The following AP2A1 variants were observed in gnomAD, a reference collection of about 807,000 sequenced individuals.
The protein encoded by AP2A1 is AP-2 complex subunit alpha-1.
A neutral mutation model predicts 107.3 loss-of-function variants in AP2A1; 21 were observed. That is an observed-to-expected ratio of 0.20 (90% CI 0.14 to 0.28). The LOEUF (loss-of-function observed/expected upper bound fraction) is 0.28, where lower values mean the gene tolerates loss of function less well. Ranked by LOEUF, AP2A1 falls within the 10% of genes least tolerant of loss-of-function variation. The probability of loss-of-function intolerance (pLI) is 1.00; values close to 1 mark genes in which losing one functional copy is unlikely to be tolerated. For synonymous variants in AP2A1, 602 were observed against 564.8 expected (o/e 1.07, Z -0.93); for missense variants, 873 against 1,307.7 (o/e 0.67, Z 5.13).
chr19:49,793,439 C>G (rs1174575264), intron 6 of AP2A1, among the ~76,000 whole-genome samples: 2 of 152,200 alleles, frequency 1.3e-5, no homozygotes, highest in African/African-American at 4.8e-5. Flanking sequence ...ACTTCTCTCT[C>G]TGTCTCCCAC....
intron 4 of AP2A1, among the ~76,000 whole-genome samples, chr19:49,783,378 C>A (rs889990361): frequency 2.6e-5 from 4 of 152,008 alleles, no homozygotes; most frequent in Admixed American, 2.6e-4. Flanking sequence ...ATAGTCCCAG[C>A]TACTCGGGAA....
At position 49,803,395 on chromosome 19, in the gene AP2A1, C is replaced by G; in HGVS notation, c.2344+19C>G. 4.4e-6 allele frequency: 7 copies of G among 1,605,806 alleles called. No individual in the cohort carries two copies. The South Asian group carries it at 7.7e-5, about 18-fold the overall frequency. On this transcript the variant is annotated intron_variant, in intron 18 of 22. Transcript: ENST00000354293. ...CAGACTCATATCCTCTCAGGCCCGG[C>G]CCAGCCTCCTGCCTCTCCACGTCGG...
chr19:49,802,384 G>GTTTCTCAGCCTGCTCTTCCT (rs1184887456), intron 15 of AP2A1: 1 of 940,348 alleles, frequency 1.1e-6, no homozygotes, highest in African/African-American at 1.6e-5. Context: ...TCCTGTCACC[G>GTTTCTCAGCCTGCTCTTCCT]TTTCTCAGCC....
rs375646196 is a variant in AP2A1, at chr19:49,798,809, G to T, written c.822G>T (p.Ala274=). The change falls in exon 8 of 23, where the codon GCG becomes GCT. Residue 274 remains alanine (A), a synonymous_variant. Coordinates refer to ENST00000354293, the MANE Select transcript of AP2A1 (RefSeq NM_130787.3). The part of the protein sequence containing the change: ...LLQCYPPPED[A]AVKGRLVECL... The stretch of plus-strand genomic sequence containing the variant: ...TCCCCTTCGTTTCCCCAGAGGATGC[G>T]GCTGTGAAGGGGCGGCTGGTGGAAT... 3 of 1,604,484 alleles carry T rather than the reference G, an allele frequency of 1.9e-6. No individual in the cohort carries two copies. Among genetic ancestry groups the T allele is most frequent in the African/African-American group, 1.3e-5 (1 of 74,762 alleles).
Position 49,795,751 on chromosome 19 carries a change from G to C in AP2A1, c.814+13G>C. On this transcript the variant is annotated intron_variant, in intron 7 of 22. Coordinates refer to ENST00000354293, the MANE Select transcript of AP2A1 (RefSeq NM_130787.3). ...TACCCGCCTCCAGGTAATGAACGCC[G>C]TGCACTCCCCAACCCGGGGTGGCCT... The C allele has an allele frequency of 6.5e-7, 1 of 1,529,040 alleles. No individual in the cohort carries two copies. The highest frequency in any genetic ancestry group is 8.8e-7 in the Non-Finnish European group (1 of 1,130,036). The allele number at this position is 1,529,040 out of a possible 1,614,324, so 94.7% of individuals were successfully genotyped here.
At position 49,802,935 on chromosome 19, in the gene AP2A1, C is replaced by T; in HGVS notation, c.2115-14C>T. ...CCAAGTTCCTTCCCATCTCACTCTG[C>T]TCCATGCCTCCAGCCCAGGTCCTGA... On this transcript the variant is annotated splice_polypyrimidine_tract_variant and intron_variant, in intron 15 of 22. Coordinates refer to ENST00000354293, the MANE Select transcript of AP2A1 (RefSeq NM_130787.3). 6.2e-7 allele frequency: 1 copy of T among 1,611,494 alleles called. No individual in the cohort carries two copies. The highest frequency in any genetic ancestry group is 8.5e-7 in the Non-Finnish European group (1 of 1,179,124).
chr19:49,776,400 G>A (rs77968356), intron 1 of AP2A1, among the ~76,000 whole-genome samples: 18,298 of 151,912 alleles, frequency 0.12, 1,240 homozygotes, highest in East Asian at 0.19. Flanking sequence ...AGCCTTCCCC[G>A]TCCCCTGCGC....
rs756266669 is a variant in AP2A1 at position 49,801,650 on chromosome 19, C to G, written c.1785+29C>G. 7.9e-6 allele frequency: 12 copies of G among 1,526,808 alleles called. No individual in the cohort carries two copies. The African/African-American group carries it at 1.7e-4, about 22-fold the overall frequency. 94.6% of individuals were successfully genotyped at this position (1,526,808 alleles called of 1,614,324 possible). A position where few individuals can be genotyped will look rare whatever the true frequency, so the allele number is the denominator to read the frequency against. ...AGAGCCCTGTCCCCCCACCCCACCC[C>G]TCTTGCACACCCCCTTCCCGCCCTC... On this transcript the variant is annotated intron_variant, in intron 13 of 22. Transcript: ENST00000354293.
chr19:49,769,544 T>C (rs1472819425), intron 1 of AP2A1, among the ~76,000 whole-genome samples: 3 of 151,800 alleles, frequency 2.0e-5, no homozygotes, highest in Non-Finnish European at 2.9e-5. Context: ...ATGCTTGACA[T>C]GTGTTCGAGC....
chr19:49,776,937 T>G (rs2084622684), intron 1 of AP2A1, among the ~76,000 whole-genome samples: 2 of 152,140 alleles, frequency 1.3e-5, no homozygotes, highest in South Asian at 4.1e-4. Context: ...TAAAGCCTAT[T>G]TAAAGGCCAG....
At chr19:49,768,702 G>C (rs1185043495) in intron 1 of AP2A1, among the ~76,000 whole-genome samples, 1 of 152,114 alleles carries the variant, frequency 6.6e-6, no homozygotes, top group Non-Finnish European at 1.5e-5. Flanking sequence ...TAAGGGGCGG[G>C]GCTATGGGGG....
At chr19:49,775,056 C>A (rs1391677762) in intron 1 of AP2A1, among the ~76,000 whole-genome samples, 1 of 151,834 alleles carries the variant, frequency 6.6e-6, no homozygotes, top group Admixed American at 6.6e-5. Context: ...CTGTCTCTCC[C>A]CACCACAAAA....
intron 1 of AP2A1, 110 bp from the exon 2 acceptor site, chr19:49,781,644 TGGG>T: frequency 9.0e-7 from 1 of 1,110,822 alleles, no homozygotes; most frequent in Non-Finnish European, 1.3e-6. Context: ...CCCCAGGGCT[TGGG>T]GGCGGAGAAG....
At chr19:49,795,582 G>GGCCCCCCCCCCCCC in intron 6 of AP2A1, 48 bp from the exon 7 acceptor site, 2 of 692,050 alleles carry the variant, frequency 2.9e-6, no homozygotes, top group East Asian at 5.9e-5. Context: ...GGACCCACGT[G>GGCCCCCCCCCCCCC]CCCCTCCCAC....
chr19:49,802,032 C>A lies in AP2A1; in HGVS notation c.2005C>A (p.Pro669Thr), dbSNP rs2073288799. 3.2e-6 allele frequency: 5 copies of A among 1,568,380 alleles called. No individual in the cohort carries two copies. The highest frequency in any genetic ancestry group is 1.8e-5 in the Admixed American group (1 of 54,280). Residue 669 changes from proline (P) to threonine (T), a missense_variant, in exon 15 of 23, where the codon CCG (proline) becomes ACG (threonine). Physicochemically the swap from Pro to Thr is conservative, Grantham distance 38. This residue lies in a region of AP2A1 where 416 missense variants were observed against 473.4 expected (regional missense o/e 0.88). Transcript: ENST00000354293. ...CCTGGGGCTGCGGGCAGCCCCTCCC[C>A]CGGCAGCACCCCCGGCTTCTGCAGG... ...DLLGLRAAPP[P>T]AAPPASAGAG...
At chr19:49,791,886 G>A (rs1473089544) in intron 4 of AP2A1, 49 bp from the exon 5 acceptor site, 1 of 1,552,418 alleles carries the variant, frequency 6.4e-7, no homozygotes, top group East Asian at 2.4e-5. Flanking sequence ...GGTGTGCAGG[G>A]CTGGGGTCAC....
intron 4 of AP2A1, among the ~76,000 whole-genome samples, chr19:49,787,963 T>C (rs1377303071): frequency 6.6e-6 from 1 of 152,184 alleles, no homozygotes; most frequent in Admixed American, 6.5e-5. Context: ...CGTGATTTGC[T>C]CGAGATAGAG....
chr19:49,790,214 T>A (rs541549362), intron 4 of AP2A1, among the ~76,000 whole-genome samples: 1 of 152,290 alleles, frequency 6.6e-6, no homozygotes, highest in East Asian at 1.9e-4. Flanking sequence ...GCCACCTGCT[T>A]TCCTTGGCTC....
At chr19:49,799,814 G>A (rs1240989704) in intron 10 of AP2A1, 48 bp downstream of exon 10, 2 of 1,591,328 alleles carry the variant, frequency 1.3e-6, no homozygotes, top group East Asian at 4.5e-5. Context: ...GAGGCAGGAG[G>A]TGGCTGGGGG....
Sources: allele counts gnomAD v4.1 joint callset (sites outside exome capture counted in the v4.1 genomes callset), GRCh38; gene constraint gnomAD v4.1.1; regional missense constraint gnomAD v4.1.1; transcripts MANE v1.5; gene names NCBI Gene and HGNC (gene_info 2026-07-23, HGNC 2026-07-21).